The following UNC13C variants were observed in gnomAD, a reference collection of about 807,000 sequenced individuals.
The protein encoded by UNC13C is unc-13 homolog C.
A neutral mutation model predicts 245.4 loss-of-function variants in UNC13C; 174 were observed. The observed-to-expected ratio is 0.71, with a 90% confidence interval of 0.63 to 0.80. UNC13C has a LOEUF of 0.80. UNC13C is among the 30% of genes least tolerant of loss of function. UNC13C has a pLI of 0.00. For synonymous variants in UNC13C, 992 were observed against 895.1 expected, an observed-to-expected ratio of 1.11 and a Z score of -1.93; for missense variants, 2,829 against 2,602.9, an observed-to-expected ratio of 1.09 and a Z score of -1.89.
At chr15:53,975,597 C>T (rs1893671255), upstream of UNC13C, among the ~76,000 whole-genome samples, 1 of 152,180 alleles carries the variant, frequency 6.6e-6, no homozygotes, top group African/African-American at 2.4e-5. Context: ...GCCAGATATA[C>T]AGGCCATGAC....
intron 17 of UNC13C, among the ~76,000 whole-genome samples, chr15:54,342,296 C>T (rs1055208947): frequency 6.6e-6 from 1 of 152,068 alleles, no homozygotes; most frequent in East Asian, 1.9e-4. Context: ...TTGAAGTTTT[C>T]TAATGCATAC....
chr15:54,194,798 C>T (rs1475780458), intron 4 of UNC13C, among the ~76,000 whole-genome samples: 1 of 151,990 alleles, frequency 6.6e-6, no homozygotes, highest in Admixed American at 6.6e-5. Context: ...CAGCTGAAGG[C>T]CTCTGAGTGG....
At chr15:54,390,597 A>G (rs544970591) in intron 17 of UNC13C, among the ~76,000 whole-genome samples, 8 of 152,036 alleles carry the variant, frequency 5.3e-5, no homozygotes, top group Non-Finnish European at 1.5e-5. Flanking sequence ...CTATTAAATG[A>G]TTTATAATTA....
chr15:54,007,611 A>G (rs1895199218), intron 1 of UNC13C, among the ~76,000 whole-genome samples: 1 of 152,176 alleles, frequency 6.6e-6, no homozygotes, highest in Non-Finnish European at 1.5e-5. Flanking sequence ...AACCTGTTGC[A>G]GGGTGGGTTG....
chr15:54,338,425 T>C lies in UNC13C; in HGVS notation c.4649T>C (p.Leu1550Pro). The change falls in exon 17 of 33, where the codon CTG (leucine) becomes CCG (proline). Residue 1550 changes from leucine (L) to proline (P), a missense_variant. By Grantham distance (98) the Leu-to-Pro change is moderately conservative. Transcript: ENST00000260323. ...GTGAAGGACTGTGTAAGGGCTTGCCTGGATTCTACATACAAGTATATTTTT... is the reference window on the plus strand; with the variant it reads ...GTGAAGGACTGTGTAAGGGCTTGCCCGGATTCTACATACAAGTATATTTTT... ...MVVKDCVRAC[L>P]DSTYKYIFDN... 6.2e-7 allele frequency: 1 copy of C among 1,613,950 alleles called. No homozygotes were observed.
intron 17 of UNC13C, among the ~76,000 whole-genome samples, chr15:54,371,421 C>G (rs1329989641): frequency 6.6e-6 from 1 of 152,124 alleles, no homozygotes; most frequent in East Asian, 1.9e-4. Flanking sequence ...TTCTTGCCAT[C>G]AACATTGCAC....
intron 10 of UNC13C, among the ~76,000 whole-genome samples, chr15:54,274,160 T>TGGTCA (rs1239518673): frequency 8.5e-5 from 13 of 152,080 alleles, no homozygotes; most frequent in Non-Finnish European, 1.9e-4. Flanking sequence ...AGGGGAGAAG[T>TGGTCA]GGTCAGTTCT....
chr15:54,027,182 GAA>G (rs201428032), intron 2 of UNC13C, among the ~76,000 whole-genome samples: 5 of 141,896 alleles, frequency 3.5e-5, no homozygotes, highest in African/African-American at 1.1e-4. Flanking sequence ...GAAAAAAAAA[GAA>G]AAAAAAAAAA....
At chr15:54,117,523 TTCTCTC>T (rs56332846) in intron 2 of UNC13C, among the ~76,000 whole-genome samples, 1,375 of 102,096 alleles carry the variant, frequency 0.013, 20 homozygotes, top group Admixed American at 0.052. Flanking sequence ...ACTATTATGT[TTCTCTC>T]TCTCTCTCTC....
intron 19 of UNC13C, among the ~76,000 whole-genome samples, chr15:54,488,244 T>C (rs1163468099): frequency 6.6e-6 from 1 of 152,176 alleles, no homozygotes; most frequent in Non-Finnish European, 1.5e-5. Context: ...AACCAACGTT[T>C]CCTGGTGATA....
intron 25 of UNC13C, among the ~76,000 whole-genome samples, chr15:54,526,633 A>T (rs1174382298): frequency 6.6e-6 from 1 of 150,938 alleles, no homozygotes; most frequent in African/African-American, 2.4e-5. Flanking sequence ...AGTCCCAGTT[A>T]CTCAGGAGGC....
At chr15:54,063,226 G>C (rs547170063) in intron 2 of UNC13C, among the ~76,000 whole-genome samples, 1 of 152,156 alleles carries the variant, frequency 6.6e-6, no homozygotes, top group Middle Eastern at 3.2e-3. Flanking sequence ...ATGTGAATTA[G>C]CTTTCATTCT....
chr15:54,232,721 T>G (rs1445362466), intron 4 of UNC13C, among the ~76,000 whole-genome samples: 1 of 152,124 alleles, frequency 6.6e-6, no homozygotes, highest in Non-Finnish European at 1.5e-5. Context: ...ACTTGAAGGT[T>G]TATAGTTAAC....
intron 1 of UNC13C, among the ~76,000 whole-genome samples, chr15:54,001,968 G>A (rs1330777746): frequency 1.3e-5 from 2 of 152,126 alleles, no homozygotes; most frequent in Non-Finnish European, 2.9e-5. Flanking sequence ...AGTATGATGC[G>A]GTATGGTTTG....
At chr15:54,055,220 G>A (rs947970177) in intron 2 of UNC13C, among the ~76,000 whole-genome samples, 2 of 152,034 alleles carry the variant, frequency 1.3e-5, no homozygotes, top group African/African-American at 4.8e-5. Context: ...CTCATTTTTA[G>A]TATGGAAAAA....
At chr15:53,954,076 C>G in the UNC13C span, among the ~76,000 whole-genome samples, 375 of 152,312 alleles carry the variant, frequency 2.5e-3, 1 homozygote, top group African/African-American at 8.6e-3. Flanking sequence ...TCATCATTTC[C>G]TATCCATCCT....
the UNC13C span, among the ~76,000 whole-genome samples, chr15:53,951,949 C>T: frequency 7.2e-5 from 11 of 152,088 alleles, no homozygotes; most frequent in African/African-American, 2.7e-4. Flanking sequence ...GTATTTATCC[C>T]TCAAGCCTCT....
chr15:54,508,876 A>T (rs1039599177), intron 23 of UNC13C, among the ~76,000 whole-genome samples: 8 of 152,172 alleles, frequency 5.3e-5, no homozygotes, highest in Non-Finnish European at 2.9e-5. Context: ...TGAGCTAGAA[A>T]CATCTAAAGA....
At chr15:54,626,761 G>T in intron 32 of UNC13C, 67 bp from the exon 33 acceptor site, 3 of 1,379,564 alleles carry the variant, frequency 2.2e-6, no homozygotes, top group Non-Finnish European at 3.0e-6. Context: ...AGCAGTATTT[G>T]AGAACCATAA....
Sources: gnomAD v4.1 joint callset for allele counts (sites outside exome capture counted in the v4.1 genomes callset) on GRCh38, gnomAD v4.1.1 for gene constraint, MANE v1.5 for transcripts, NCBI Gene and HGNC (gene_info 2026-07-23, HGNC 2026-07-21) for gene names.